RBL1: variants seen among roughly 807,000 people sequenced by gnomAD.
RBL1 encodes the protein RB transcriptional corepressor like 1, also known as retinoblastoma-like protein 1.
In RBL1, 82 loss-of-function variants were observed where a neutral mutation model predicts 123.0. The observed-to-expected ratio is 0.67, with a 90% confidence interval of 0.56 to 0.80. The LOEUF is 0.80. Among genes scored for constraint, RBL1 ranks in the 30% least tolerant of loss-of-function variants. RBL1 has a pLI of 0.00. For missense variants in RBL1, 1,171 were observed against 1,299.6 expected (o/e 0.90, Z 1.52); for synonymous variants, 405 against 441.3 (o/e 0.92, Z 1.03).
At chr20:37,020,823 C>T in intron 17 of RBL1, 93 bp from the exon 18 acceptor site, 1 of 772,814 alleles carries the variant, frequency 1.3e-6, no homozygotes, top group South Asian at 1.7e-5. Flanking sequence ...CTGAGAGCAA[C>T]CTTGCAGAAA....
chr20:37,055,309 GAAAAAAAAAAA>G (rs59560599), intron 11 of RBL1, among the ~76,000 whole-genome samples: 1 of 84,034 alleles, frequency 1.2e-5, no homozygotes, highest in Admixed American at 1.3e-4. Flanking sequence ...ATGAAGGACA[GAAAAAAAAAAA>G]AAAAAAAAAA....
At chr20:37,059,300 A>C (rs2146291313) in intron 9 of RBL1, among the ~76,000 whole-genome samples, 1 of 152,318 alleles carries the variant, frequency 6.6e-6, no homozygotes, top group South Asian at 2.1e-4. Context: ...GGTTTGAGGA[A>C]TGGGGGAGAG....
chr20:37,090,007 G>A (rs543184257), intron 1 of RBL1, among the ~76,000 whole-genome samples: 176 of 152,318 alleles, frequency 1.2e-3, no homozygotes, highest in African/African-American at 4.1e-3. Flanking sequence ...AGTAGAGATC[G>A]TGCCACTACA....
intron 11 of RBL1, among the ~76,000 whole-genome samples, chr20:37,054,986 T>C (rs1440857068): frequency 1.3e-5 from 2 of 152,102 alleles, no homozygotes; most frequent in East Asian, 3.8e-4. Context: ...AGAAACTCTA[T>C]TACAATAGTT....
intron 11 of RBL1, chr20:37,049,792 G>A (rs1482132874): frequency 4.1e-6 from 2 of 493,436 alleles, no homozygotes; most frequent in Non-Finnish European, 3.6e-6. Flanking sequence ...GCCAGACATG[G>A]TGGCTCACAC....
chr20:37,058,738 C>G lies in RBL1; in HGVS notation c.1250+2365G>C, dbSNP rs935958662. Among the ~76,000 whole-genome samples, 15 of 151,838 alleles carry G rather than the reference C, an allele frequency of 9.9e-5. No homozygotes were observed. The East Asian group carries it at 2.5e-3, about 25-fold the overall frequency. On this transcript the variant is annotated intron_variant, in intron 9 of 21. Coordinates refer to ENST00000373664, the MANE Select transcript of RBL1 (RefSeq NM_002895.5). Reference sequence around the variant, plus strand: ...GGATATCTTAACAATATTAAGTCTTCCAGTCCACAAACACAGATGTCTTTC... The same window carrying G: ...GGATATCTTAACAATATTAAGTCTTGCAGTCCACAAACACAGATGTCTTTC...
intron 7 of RBL1, among the ~76,000 whole-genome samples, chr20:37,063,693 G>A (rs1753130472): frequency 6.6e-6 from 1 of 151,808 alleles, no homozygotes; most frequent in South Asian, 2.1e-4. Flanking sequence ...TGTATTTTTA[G>A]TAGAGATGGG....
chr20:37,086,747 C>T (rs2146333110), intron 2 of RBL1, among the ~76,000 whole-genome samples: 2 of 152,176 alleles, frequency 1.3e-5, no homozygotes, highest in Middle Eastern at 6.8e-3. Context: ...GTTTCCTATC[C>T]AGCCAAATAA....
At chr20:37,091,443 G>A (rs1258752801) in intron 1 of RBL1, among the ~76,000 whole-genome samples, 1 of 151,908 alleles carries the variant, frequency 6.6e-6, no homozygotes, top group African/African-American at 2.4e-5. Context: ...CTGAGGCAGA[G>A]GATTGCTTGA....
Position 37,067,983 on chromosome 20 carries a change from C to T in RBL1, c.491+3G>A, listed in dbSNP as rs1326630956. On this transcript the variant is annotated splice_donor_region_variant and intron_variant, in intron 3 of 21. Coordinates refer to ENST00000373664, the MANE Select transcript of RBL1 (RefSeq NM_002895.5). Reference sequence around the variant, plus strand: ...GTCAATTATATAAGGATTAAGGGCTCACCTCTGCTTCCGGCTTCGTGGTAA... The same window carrying T: ...GTCAATTATATAAGGATTAAGGGCTTACCTCTGCTTCCGGCTTCGTGGTAA... 6.2e-7 allele frequency: 1 copy of T among 1,612,958 alleles called. No homozygotes were observed. Among genetic ancestry groups the T allele is most frequent in the Admixed American group, 1.7e-5 (1 of 59,804 alleles).
chr20:37,086,501 T>C (rs1363433813), intron 2 of RBL1, among the ~76,000 whole-genome samples: 3 of 151,970 alleles, frequency 2.0e-5, no homozygotes, highest in African/African-American at 7.3e-5. Flanking sequence ...GATCAGGCCA[T>C]TGCACTCCAG....
chr20:37,068,524 T>C (rs2146305493), intron 2 of RBL1, among the ~76,000 whole-genome samples: 1 of 147,022 alleles, frequency 6.8e-6, no homozygotes, highest in Admixed American at 6.9e-5. Context: ...CAAGCCTAAA[T>C]TTAATTAAAA....
At chr20:37,003,050 CAAGTA>C in intron 21 of RBL1, among the ~76,000 whole-genome samples, 1 of 152,210 alleles carries the variant, frequency 6.6e-6, no homozygotes, top group Non-Finnish European at 1.5e-5. Context: ...CCAACTTTGT[CAAGTA>C]TAGTAGGAAC....
In RBL1 at chr20:37,086,990, A is replaced by C. The variant is rs557857999; in HGVS notation, c.290+1999T>G. Among the ~76,000 whole-genome samples, 3 of 152,348 alleles carry C rather than the reference A, an allele frequency of 2.0e-5. No homozygotes were observed. In the East Asian group the frequency reaches 5.8e-4, roughly 29 times the overall value. ...TTCCATCAGGGAATGACTAACCTGC[A>C]TCTAATCAAAAGTTAATAGGAGACA... On this transcript the variant is annotated intron_variant, in intron 2 of 21. Transcript: ENST00000373664.
At position 37,032,660 on chromosome 20, in the gene RBL1, C is replaced by T. The variant is rs772789223; in HGVS notation, c.2382+5G>A. On this transcript the variant is annotated splice_donor_5th_base_variant and intron_variant, in intron 16 of 21. Transcript: ENST00000373664. ...ATTCTTCTAAAGTGCTATAAAAACA[C>T]ATACCTTTCTGTAAAATAGTGCTAA... is the stretch of plus-strand genomic sequence containing the variant. 21 of 1,613,676 alleles carry T rather than the reference C, an allele frequency of 1.3e-5. No homozygotes were observed. In the South Asian group the frequency reaches 2.3e-4, roughly 18 times the overall value.
At chr20:37,028,482 T>A (rs1221728582) in intron 16 of RBL1, among the ~76,000 whole-genome samples, 1 of 152,110 alleles carries the variant, frequency 6.6e-6, no homozygotes, top group Admixed American at 6.6e-5. Flanking sequence ...TGTGCCATGA[T>A]CATGCCACTG....
rs1329550463 is a variant in RBL1 at position 37,062,191 on chromosome 20, C to T, written c.976G>A (p.Ala326Thr). The change falls in exon 8 of 22, where the codon GCA becomes ACA. Residue 326 changes from alanine (A) to threonine (T), a missense_variant. Ala to Thr is a moderately conservative substitution (Grantham distance 58). Coordinates refer to ENST00000373664, the MANE Select transcript of RBL1 (RefSeq NM_002895.5). Reference protein sequence around the residue: ...FDERIFLGADAEEEIGTPRKF... With the variant: ...FDERIFLGADTEEEIGTPRKF... ...CGAGGTGTTCCAATTTCCTCTTCTGCGTCTGCTCCCAAAAAGATCCTCTCA... is the reference window on the plus strand; with the variant it reads ...CGAGGTGTTCCAATTTCCTCTTCTGTGTCTGCTCCCAAAAAGATCCTCTCA... The T allele has an allele frequency of 6.8e-6, 11 of 1,614,060 alleles. No individual in the cohort carries two copies. Among genetic ancestry groups the T allele is most frequent in the East Asian group, 2.2e-5 (1 of 44,890 alleles).
At chr20:37,091,231 G>A (rs887577431) in intron 1 of RBL1, among the ~76,000 whole-genome samples, 3 of 152,122 alleles carry the variant, frequency 2.0e-5, no homozygotes, top group South Asian at 4.1e-4. Flanking sequence ...GGTGGCGCAC[G>A]CCTGTAATCC....
At chr20:37,059,815 T>G (rs1239751506) in intron 9 of RBL1, among the ~76,000 whole-genome samples, 1 of 152,072 alleles carries the variant, frequency 6.6e-6, no homozygotes, top group Non-Finnish European at 1.5e-5. Flanking sequence ...TGATCTGGCT[T>G]CATTCTACCA....
Sources: allele counts gnomAD v4.1 joint callset (sites outside exome capture counted in the v4.1 genomes callset), GRCh38; gene constraint gnomAD v4.1.1; transcripts MANE v1.5; gene names NCBI Gene and HGNC (gene_info 2026-07-23, HGNC 2026-07-21).